The following CCND3 variants were observed in gnomAD, a reference collection of about 807,000 sequenced individuals.
The protein encoded by CCND3 is G1/S-specific cyclin-D3.
In CCND3, 9 loss-of-function variants were observed where a neutral mutation model predicts 28.7. The ratio of observed to expected loss-of-function variants is 0.31; its 90% CI spans 0.19 to 0.55. The LOEUF is 0.55. Ranked by LOEUF, CCND3 falls within the 20% of genes least tolerant of loss-of-function variation. The probability of loss-of-function intolerance (pLI) is 0.93; values close to 1 mark genes in which losing one functional copy is unlikely to be tolerated. For synonymous variants in CCND3, 164 were observed against 163.9 expected (o/e 1.00, Z 0.00); for missense variants, 315 against 385.8 (o/e 0.82, Z 1.54).
At chr6:41,944,146 C>T (rs554628185), upstream of CCND3, among the ~76,000 whole-genome samples, 1 of 151,162 alleles carries the variant, frequency 6.6e-6, no homozygotes, top group East Asian at 1.9e-4. Context: ...GCCTGGACAA[C>T]AAAGCAAGAC....
intron 1 of CCND3, among the ~76,000 whole-genome samples, chr6:42,041,002 A>G (rs1410646269): frequency 6.6e-6 from 1 of 152,206 alleles, no homozygotes; most frequent in Non-Finnish European, 1.5e-5. Context: ...AGCACTTACA[A>G]CAGCCCCTGG....
Position 41,935,889 on chromosome 6 carries a change from G to A in CCND3, c.*51C>T. On this transcript the variant is annotated 3_prime_UTR_variant, in exon 5 of 5. Transcript: ENST00000372991. ...GGTTCCTGGAGGCAGGGAGGTGGGT[G>A]GCAGCGGCCCCTCCTCTGCTTAGTG... 6.6e-7 allele frequency: 1 copy of A among 1,513,458 alleles called. No individual in the cohort carries two copies. The highest frequency in any genetic ancestry group is 9.0e-7 in the Non-Finnish European group (1 of 1,107,246). The allele number at this position is 1,513,458 out of a possible 1,614,324, so 93.8% of individuals were successfully genotyped here.
chr6:42,008,536 A>AT (rs1315290787), intron 1 of CCND3, among the ~76,000 whole-genome samples: 2 of 152,290 alleles, frequency 1.3e-5, no homozygotes, highest in Admixed American at 1.3e-4. Flanking sequence ...CAGTGCATTC[A>AT]TTTTTAATTA....
At chr6:41,983,598 G>A (rs1762406434) in intron 1 of CCND3, among the ~76,000 whole-genome samples, 4 of 152,070 alleles carry the variant, frequency 2.6e-5, no homozygotes, top group Admixed American at 2.6e-4. Flanking sequence ...ACTTTGGGAG[G>A]CCAAGGCAGA....
In CCND3 at chr6:41,954,250, T is replaced by TAAAAAAAAAAAAAAAAAAAAAAA. The variant is rs34556754; in HGVS notation, c.-45-13688_-45-13666dup. Among the ~76,000 whole-genome samples the TAAAAAAAAAAAAAAAAAAAAAAA allele has an allele frequency of 1.4e-3, 49 of 35,144 alleles. 3 individuals carry two copies. Among genetic ancestry groups the TAAAAAAAAAAAAAAAAAAAAAAA allele is most frequent in the African/African-American group, 1.4e-3 (11 of 7,740 alleles). The allele number at this position is 35,144 out of a possible 152,430, so 23.1% of individuals were successfully genotyped here. Reference sequence around the variant, plus strand: ...TGGGGTACAGAGCAAGATTCTGCCTTAAAAAAAAAAAAAAAAAAAAAAAAA... The same window carrying TAAAAAAAAAAAAAAAAAAAAAAA: ...TGGGGTACAGAGCAAGATTCTGCCTTAAAAAAAAAAAAAAAAAAAAAAAAAAAAAAAAAAAAAAAAAAAAAAAA... On this transcript the variant is annotated intron_variant, in intron 1 of 4. Coordinates refer to the CCND3 transcript ENST00000372988.
At chr6:42,001,872 T>G (rs1763021815) in intron 1 of CCND3, among the ~76,000 whole-genome samples, 1 of 152,074 alleles carries the variant, frequency 6.6e-6, no homozygotes, top group Non-Finnish European at 1.5e-5. Context: ...CCCAGAACTT[T>G]GGGAGGCTGA....
chr6:42,022,772 G>T (rs1561991711), intron 1 of CCND3, among the ~76,000 whole-genome samples: 1 of 152,198 alleles, frequency 6.6e-6, no homozygotes, highest in African/African-American at 2.4e-5. Flanking sequence ...TAAGGGGAAA[G>T]GTGGCAGGGC....
intron 1 of CCND3, among the ~76,000 whole-genome samples, chr6:41,947,257 T>A (rs936597904): frequency 1.3e-5 from 2 of 151,068 alleles, no homozygotes; most frequent in Admixed American, 1.3e-4. Context: ...ACAGCCTGGA[T>A]GGGCATTTAA....
At chr6:42,029,639 A>G (rs9381121) in intron 1 of CCND3, among the ~76,000 whole-genome samples, 25,945 of 151,704 alleles carry the variant, frequency 0.17, 2,563 homozygotes, top group East Asian at 0.52. Context: ...GGAGTTTGAG[A>G]CCAGCCTGAC....
chr6:42,036,413 T>A (rs1425936239), intron 1 of CCND3, among the ~76,000 whole-genome samples: 2 of 108,412 alleles, frequency 1.8e-5, no homozygotes, highest in African/African-American at 3.7e-5. Flanking sequence ...ATTTTTTTTT[T>A]TTTTTTTTTT....
At chr6:41,954,444 G>A (rs979735172) in intron 1 of CCND3, among the ~76,000 whole-genome samples, 17 of 150,120 alleles carry the variant, frequency 1.1e-4, no homozygotes, top group Admixed American at 2.0e-4. Context: ...CCAGCCACTC[G>A]GGAGGCTGAG....
chr6:42,006,037 T>G (rs189394389), intron 1 of CCND3, among the ~76,000 whole-genome samples: 2 of 151,966 alleles, frequency 1.3e-5, no homozygotes, highest in African/African-American at 4.8e-5. Flanking sequence ...TGTGGTGTTG[T>G]GTGCCTGTGG....
intron 1 of CCND3, among the ~76,000 whole-genome samples, chr6:41,972,068 A>G (rs7765516): frequency 0.41 from 60,697 of 148,846 alleles, 13,105 homozygotes; most frequent in Non-Finnish European, 0.49. Context: ...TACTAAAAAA[A>G]TACAAAAAAA....
At chr6:41,974,091 G>C (rs1394794209) in intron 1 of CCND3, among the ~76,000 whole-genome samples, 2 of 152,194 alleles carry the variant, frequency 1.3e-5, no homozygotes, top group Non-Finnish European at 2.9e-5. Flanking sequence ...GCTGAGGCAG[G>C]GGAATCGCTT....
At chr6:42,012,320 C>T (rs1393960596) in intron 1 of CCND3, among the ~76,000 whole-genome samples, 1 of 148,600 alleles carries the variant, frequency 6.7e-6, no homozygotes, top group Non-Finnish European at 1.5e-5. Context: ...GCAGGAGAAT[C>T]ACTTGAACCT....
chr6:41,993,120 CTTG>C (rs1190369541), intron 1 of CCND3, among the ~76,000 whole-genome samples: 5 of 152,098 alleles, frequency 3.3e-5, no homozygotes, highest in African/African-American at 1.2e-4. Flanking sequence ...TTAAAATGGT[CTTG>C]AACTCCTGGC....
intron 1 of CCND3, among the ~76,000 whole-genome samples, chr6:42,016,573 G>A (rs1453385238): frequency 6.9e-6 from 1 of 144,954 alleles, no homozygotes; most frequent in Non-Finnish European, 1.5e-5. Context: ...ATAAATGTTA[G>A]CTGCTATTAC....
intron 1 of CCND3, among the ~76,000 whole-genome samples, chr6:42,006,701 G>A (rs955736542): frequency 7.9e-5 from 12 of 152,112 alleles, no homozygotes; most frequent in African/African-American, 2.7e-4. Context: ...GAGGTCAGGA[G>A]ATCAAGACCA....
chr6:42,001,513 T>C (rs1020913788), intron 1 of CCND3, among the ~76,000 whole-genome samples: 2 of 152,276 alleles, frequency 1.3e-5, no homozygotes, highest in East Asian at 1.9e-4. Flanking sequence ...TGATTCTTTT[T>C]AGATGAGGTT....
Sources: allele counts gnomAD v4.1 joint callset (sites outside exome capture counted in the v4.1 genomes callset), GRCh38; gene constraint gnomAD v4.1.1; transcripts MANE v1.5; gene names NCBI Gene and HGNC (gene_info 2026-07-23, HGNC 2026-07-21).